The following CC2D2A variants were observed in gnomAD, a reference collection of about 807,000 sequenced individuals.
The protein encoded by CC2D2A is coiled-coil and C2 domain-containing protein 2A.
Under a neutral mutation model 212.9 loss-of-function variants are expected in CC2D2A, and 155 were observed. The ratio of observed to expected loss-of-function variants is 0.73; its 90% CI spans 0.64 to 0.83. The LOEUF is 0.83. Ranked by LOEUF, CC2D2A falls within the 40% of genes least tolerant of loss-of-function variation. The probability of loss-of-function intolerance (pLI) is 0.00; values close to 1 mark genes in which losing one functional copy is unlikely to be tolerated. For missense variants in CC2D2A, 1,856 were observed against 1,956.2 expected, an observed-to-expected ratio of 0.95 and a Z score of 0.97; for synonymous variants, 667 against 686.5, an observed-to-expected ratio of 0.97 and a Z score of 0.44.
intron 28 of CC2D2A, among the ~76,000 whole-genome samples, chr4:15,571,738 A>C (rs1355065783): frequency 1.3e-5 from 2 of 152,248 alleles, no homozygotes; most frequent in Admixed American, 6.5e-5. Flanking sequence ...ATGTTTGTCA[A>C]AATAATTTAC....
chr4:15,588,424 T>A (rs940521041), intron 32 of CC2D2A, among the ~76,000 whole-genome samples: 2 of 152,204 alleles, frequency 1.3e-5, no homozygotes, highest in Non-Finnish European at 2.9e-5. Flanking sequence ...AGCTTTATTT[T>A]TATATTAACA....
chr4:15,509,785 G>A (rs572090929), intron 6 of CC2D2A, among the ~76,000 whole-genome samples: 8 of 152,210 alleles, frequency 5.3e-5, no homozygotes, highest in African/African-American at 1.9e-4. Flanking sequence ...AAACCTAAAT[G>A]GCATAGCCAA....
chr4:15,563,529 G>C lies in CC2D2A; in HGVS notation c.3182+7G>C. The C allele has an allele frequency of 6.2e-7, 1 of 1,610,438 alleles. No individual in the cohort carries two copies. The highest frequency in any genetic ancestry group is 8.5e-7 in the Non-Finnish European group (1 of 1,178,550). ...TGAGGAAGCCGGCAGTGAGGTGAGA[G>C]CCCTCCCAACAGCCCGAGATGCAGT... On this transcript the variant is annotated splice_region_variant and intron_variant, in intron 24 of 36. Coordinates refer to ENST00000424120, the MANE Select transcript of CC2D2A (RefSeq NM_001378615.1).
At position 15,574,184 on chromosome 4, in the gene CC2D2A, T is replaced by A; in HGVS notation, c.3629T>A (p.Val1210Asp). Residue 1210 changes from valine to aspartate, a missense_variant, in exon 29 of 37, where the codon GTT becomes GAT. By Grantham distance (152) the Val-to-Asp change is radical. Around this residue, in one of 5 missense-constraint regions of CC2D2A, gnomAD observed 1,512 missense variants for 1,579.3 expected, o/e 0.96. Transcript: ENST00000424120. ...DGTFKIDIPPVLLGYSKERNM... is the reference protein window; with the variant it reads ...DGTFKIDIPPDLLGYSKERNM... ...ACATTTAAAATAGATATTCCCCCAG[T>A]TCTTCTGGGCTACAGTAAGGAGCGA... The A allele has an allele frequency of 6.5e-7, 1 of 1,549,806 alleles. No individual in the cohort carries two copies.
intron 35 of CC2D2A, among the ~76,000 whole-genome samples, chr4:15,599,013 T>A (rs984113043): frequency 1.3e-5 from 2 of 151,748 alleles, no homozygotes; most frequent in African/African-American, 2.4e-5. Context: ...GAAAAAAAAA[T>A]TAGCCAGACA....
intron 17 of CC2D2A, among the ~76,000 whole-genome samples, chr4:15,547,965 G>C (rs774616940): frequency 6.6e-6 from 1 of 152,074 alleles, no homozygotes; most frequent in Non-Finnish European, 1.5e-5. Flanking sequence ...CATGAACTCA[G>C]GAGGTGGAAG....
rs1720098777 is a variant in CC2D2A at position 15,570,352 on chromosome 4, G to A, written c.3496-46G>A. ...TCCTGCTGCCAGATTAATTAAATGA[G>A]TTTCTGGAGTTCTTAAGCAATTATT... On this transcript the variant is annotated intron_variant, in intron 27 of 36. Coordinates refer to ENST00000424120, the MANE Select transcript of CC2D2A (RefSeq NM_001378615.1). The A allele has an allele frequency of 2.5e-6, 3 of 1,196,574 alleles. No individual in the cohort carries two copies. The East Asian group carries it at 7.5e-5, about 30-fold the overall frequency. 74.1% of individuals were successfully genotyped at this position (1,196,574 alleles called of 1,614,324 possible).
At chr4:15,554,754 C>T (rs546323637) in intron 19 of CC2D2A, among the ~76,000 whole-genome samples, 18 of 152,202 alleles carry the variant, frequency 1.2e-4, no homozygotes, top group Non-Finnish European at 2.4e-4. Flanking sequence ...GGATGTGAGG[C>T]TTTGTGGGCT....
At chr4:15,600,013 T>C (rs1721511887) in intron 36 of CC2D2A, among the ~76,000 whole-genome samples, 1 of 152,164 alleles carries the variant, frequency 6.6e-6, no homozygotes, top group Non-Finnish European at 1.5e-5. Flanking sequence ...ATCAAAACAC[T>C]CTAGAGCAGT....
At chr4:15,470,345 A>C (rs1354256561) in intron 1 of CC2D2A, among the ~76,000 whole-genome samples, 1 of 152,176 alleles carries the variant, frequency 6.6e-6, no homozygotes, top group African/African-American at 2.4e-5. Context: ...TCTGTGAAAC[A>C]TTAGCTGCGT....
rs141452104 is a variant in CC2D2A at position 15,545,985 on chromosome 4, C to T, written c.2182-4839C>T. On this transcript the variant is annotated intron_variant, in intron 17 of 36. Transcript: ENST00000424120. The stretch of plus-strand genomic sequence containing the variant: ...ATTAGCTGGGCATGGTGGTACATAC[C>T]TCTAGTCCCAGCTACTTGGGAGGCT... 2.6e-3 allele frequency among the ~76,000 whole-genome samples: 391 copies of T among 152,188 alleles called. 3 individuals carry two copies. The highest frequency in any genetic ancestry group is 9.0e-3 in the African/African-American group (375 of 41,532).
chr4:15,578,325 G>A (rs936999009), intron 29 of CC2D2A, among the ~76,000 whole-genome samples: 1 of 152,142 alleles, frequency 6.6e-6, no homozygotes, highest in African/African-American at 2.4e-5. Context: ...CAACTTCTTA[G>A]GGTATAGTAA....
At chr4:15,560,805 C>T (rs1430103727) in intron 23 of CC2D2A, among the ~76,000 whole-genome samples, 183 bp downstream of exon 23, 1 of 152,156 alleles carries the variant, frequency 6.6e-6, no homozygotes, top group African/African-American at 2.4e-5. Context: ...TCTACTAGAA[C>T]AAGTCTTCCT....
chr4:15,586,303 C>A lies in CC2D2A; in HGVS notation c.4065+57C>A, dbSNP rs968598689. 8 of 1,063,888 alleles carry A rather than the reference C, an allele frequency of 7.5e-6. No homozygotes were observed. The African/African-American group carries it at 8.1e-5, about 11-fold the overall frequency. 65.9% of individuals were successfully genotyped at this position (1,063,888 alleles called of 1,614,324 possible). ...TTGAGCTGACTTAATGAAATATTAG[C>A]TAACTGACTTGCATAATTTTAAATT... On this transcript the variant is annotated intron_variant, in intron 31 of 36. Coordinates refer to ENST00000424120, the MANE Select transcript of CC2D2A (RefSeq NM_001378615.1).
chr4:15,567,714 G>A lies in CC2D2A; in HGVS notation c.3326G>A (p.Arg1109Gln), dbSNP rs766236848. The change falls in exon 26 of 37, where the codon CGA becomes CAA. Residue 1109 changes from arginine (R) to glutamine (Q), a missense_variant. This residue lies in a region of CC2D2A where 1,512 missense variants were observed against 1,579.3 expected (regional missense o/e 0.96). Transcript: ENST00000424120. ...CCCTTTGTAGAAGTCTCTTTTCAAC[G>A]AACAGTTTGCCATACGACTACGGCT... ...VRPFVEVSFQ[R>Q]TVCHTTTAEG... 8 of 1,604,458 alleles carry A rather than the reference G, an allele frequency of 5.0e-6. No individual in the cohort carries two copies. The highest frequency in any genetic ancestry group is 1.7e-4 in the Middle Eastern group (1 of 6,044).
At chr4:15,560,688 AAAGG>A in intron 23 of CC2D2A, 66 bp downstream of exon 23, 1 of 704,186 alleles carries the variant, frequency 1.4e-6, no homozygotes, top group Non-Finnish European at 2.3e-6. Context: ...CTATTATATG[AAAGG>A]TATCATATAA....
chr4:15,558,096 G>T (rs1719381573), intron 21 of CC2D2A, among the ~76,000 whole-genome samples: 1 of 152,146 alleles, frequency 6.6e-6, no homozygotes, highest in Admixed American at 6.5e-5. Flanking sequence ...TTGAGGAACT[G>T]CAGGTAACAG....
intron 6 of CC2D2A, among the ~76,000 whole-genome samples, chr4:15,504,664 G>C (rs1716155301): frequency 6.6e-6 from 1 of 152,050 alleles, no homozygotes; most frequent in South Asian, 2.1e-4. Context: ...TACTCCCTGG[G>C]CTACTAGGGT....
rs200765238 is a variant in CC2D2A at position 15,514,739 on chromosome 4, C to A, written c.750C>A (p.Ala250=). The change falls in exon 9 of 37, where the codon GCC becomes GCA. Residue 250 remains alanine, a synonymous_variant. Transcript: ENST00000424120. ...DEEELLNGDD[A]EDFLLGLDHV... Reference sequence around the variant, plus strand: ...AAGAACTGCTTAATGGTGATGATGCCGAGGACTTCCTATTGGGCTTAGATC... The same window carrying A: ...AAGAACTGCTTAATGGTGATGATGCAGAGGACTTCCTATTGGGCTTAGATC... 3.8e-5 allele frequency: 61 copies of A among 1,602,158 alleles called. No homozygotes were observed. In the East Asian group the frequency reaches 1.4e-3, roughly 36 times the overall value.
Sources: gnomAD v4.1 joint callset for allele counts (sites outside exome capture counted in the v4.1 genomes callset) on GRCh38, gnomAD v4.1.1 for gene constraint, gnomAD v4.1.1 regional missense constraint, MANE v1.5 for transcripts, NCBI Gene and HGNC (gene_info 2026-07-23, HGNC 2026-07-21) for gene names.